ARMC1: variants seen among roughly 807,000 people sequenced by gnomAD.
The protein encoded by ARMC1 is armadillo repeat-containing protein 1.
In ARMC1, 16 loss-of-function variants were observed where a neutral mutation model predicts 31.4. That is an observed-to-expected ratio of 0.51 (90% CI 0.34 to 0.77). The LOEUF (loss-of-function observed/expected upper bound fraction) is 0.77. ARMC1 is among the 30% of genes least tolerant of loss of function. The pLI is 0.01. For missense variants in ARMC1, 259 were observed against 347.5 expected (o/e 0.75, Z 2.02); for synonymous variants, 114 against 118.9 (o/e 0.96, Z 0.27).
In ARMC1 at chr8:65,613,426, T is replaced by C; in HGVS notation, c.283A>G (p.Thr95Ala). ...SLQNVIQKTT[T>A]PGETKLLASE... ...GCCAGAAGTTTTGTTTCTCCTGGAGTTGTAGTTCTTGAAAAGAAACACATA... is the reference window on the plus strand; with the variant it reads ...GCCAGAAGTTTTGTTTCTCCTGGAGCTGTAGTTCTTGAAAAGAAACACATA... Residue 95 changes from threonine (T) to alanine (A), a missense_variant, in exon 4 of 7, where the codon ACT becomes GCT. Thr to Ala is a moderately conservative substitution (Grantham distance 58). This residue lies in a region of ARMC1 where 163 missense variants were observed against 186.7 expected (regional missense o/e 0.87). Coordinates refer to ENST00000276569, the MANE Select transcript of ARMC1 (RefSeq NM_018120.6). The C allele has an allele frequency of 6.3e-7, 1 of 1,575,942 alleles. No individual in the cohort carries two copies. Among genetic ancestry groups the C allele is most frequent in the Non-Finnish European group, 8.6e-7 (1 of 1,165,600 alleles).
Position 65,627,241 on chromosome 8 carries a change from G to T in ARMC1, c.158C>A (p.Pro53His). ...GLILFMDHPN[P>H]PVVHSALLAL... is the part of the protein sequence containing the mutation. ...AAGCAAAGCGGAGTGGACGACTGGAGGGTTGGGATGGTCCATAAATAAAAT... is the reference window on the plus strand; with the variant it reads ...AAGCAAAGCGGAGTGGACGACTGGATGGTTGGGATGGTCCATAAATAAAAT... The change falls in exon 2 of 7, where the codon CCT (proline) becomes CAT (histidine). Residue 53 changes from proline (P) to histidine (H), a missense_variant. By Grantham distance (77) the Pro-to-His change is moderately conservative. Coordinates refer to ENST00000276569, the MANE Select transcript of ARMC1 (RefSeq NM_018120.6). 1 of 1,597,922 alleles carries T rather than the reference G, an allele frequency of 6.3e-7. No homozygotes were observed. Among genetic ancestry groups the T allele is most frequent in the Non-Finnish European group, 8.5e-7 (1 of 1,170,810 alleles).
At chr8:65,631,497 G>C (rs562626591) in intron 1 of ARMC1, among the ~76,000 whole-genome samples, 1 of 152,314 alleles carries the variant, frequency 6.6e-6, no homozygotes, top group Non-Finnish European at 1.5e-5. Flanking sequence ...GCCTCCCAAA[G>C]TGCTGGGATT....
chr8:65,620,707 T>C (rs551798170), intron 3 of ARMC1, among the ~76,000 whole-genome samples: 15 of 151,862 alleles, frequency 9.9e-5, no homozygotes, highest in Non-Finnish European at 1.8e-4. Flanking sequence ...AGCGCTCCTC[T>C]TCCTGGTTAA....
intron 3 of ARMC1, among the ~76,000 whole-genome samples, chr8:65,620,002 G>A (rs1184651652): frequency 6.6e-6 from 1 of 151,206 alleles, no homozygotes; most frequent in African/African-American, 2.4e-5. Flanking sequence ...AAAATTAGCA[G>A]GACATGATGG....
At chr8:65,630,621 C>T (rs776912120) in intron 1 of ARMC1, among the ~76,000 whole-genome samples, 1 of 152,166 alleles carries the variant, frequency 6.6e-6, no homozygotes, top group Non-Finnish European at 1.5e-5. Flanking sequence ...GAGTTTGCGA[C>T]CAGCCTGGCC....
chr8:65,623,324 A>AAAAAAAAAAAAAAAAAAC (rs1554541796), intron 2 of ARMC1, among the ~76,000 whole-genome samples: 1 of 144,440 alleles, frequency 6.9e-6, no homozygotes, highest in Non-Finnish European at 1.5e-5. Flanking sequence ...AAAAAAAAAA[A>AAAAAAAAAAAAAAAAAAC]TGCTGGGCGC....
Position 65,605,322 on chromosome 8 carries a change from T to C in ARMC1, c.598A>G (p.Ile200Val), listed in dbSNP as rs1807979890. 1.2e-6 allele frequency: 2 copies of C among 1,613,878 alleles called. No homozygotes were observed. Among genetic ancestry groups the C allele is most frequent in the Admixed American group, 1.7e-5 (1 of 59,966 alleles). Residue 200 changes from isoleucine (I) to valine (V), a missense_variant, in exon 6 of 7, where the codon ATA becomes GTA. Ile to Val is a conservative substitution (Grantham distance 29). This residue lies in a region of ARMC1 where 73 missense variants were observed against 100.0 expected (regional missense o/e 0.73). Transcript: ENST00000276569. ...GCTTTCATAACCTTGGTTGATGCTA[T>C]TGCTGATGCCAAAGCCTAAGCCAAG... Reference protein sequence around the residue: ...DLKAEALASAIASTKVMKAQQ... With the variant: ...DLKAEALASAVASTKVMKAQQ...
Position 65,622,338 on chromosome 8 carries a change from G to A in ARMC1, c.200C>T (p.Ala67Val). 6.2e-7 allele frequency: 1 copy of A among 1,613,888 alleles called. No individual in the cohort carries two copies. The highest frequency in any genetic ancestry group is 8.5e-7 in the Non-Finnish European group (1 of 1,179,858). Residue 67 changes from alanine (A) to valine (V), a missense_variant, in exon 3 of 7, where the codon GCA becomes GTA. This residue lies in a region of ARMC1 where 163 missense variants were observed against 186.7 expected (regional missense o/e 0.87). Coordinates refer to ENST00000276569, the MANE Select transcript of ARMC1 (RefSeq NM_018120.6). Reference sequence around the variant, plus strand: ...CTTTTCTCTGTTTGCACGGCATTCTGCCAAGTATCGAAGAGCCTACAGCAG... The same window carrying A: ...CTTTTCTCTGTTTGCACGGCATTCTACCAAGTATCGAAGAGCCTACAGCAG... ...HSALLALRYLAECRANREKMK... is the reference protein window; with the variant it reads ...HSALLALRYLVECRANREKMK...
chr8:65,625,125 AAAC>A (rs907314530), intron 2 of ARMC1, among the ~76,000 whole-genome samples: 6 of 152,180 alleles, frequency 3.9e-5, no homozygotes, highest in African/African-American at 7.2e-5. Context: ...TCTGTCTCAA[AAAC>A]AACAACAAAA....
intron 4 of ARMC1, among the ~76,000 whole-genome samples, chr8:65,609,225 C>A (rs76043228): frequency 0.028 from 4,169 of 151,322 alleles, 132 homozygotes; most frequent in African/African-American, 0.078. Flanking sequence ...GCCTTAGCCT[C>A]CCATATAGCT....
chr8:65,628,620 G>A (rs944379116), intron 1 of ARMC1, among the ~76,000 whole-genome samples: 3 of 150,804 alleles, frequency 2.0e-5, no homozygotes, highest in African/African-American at 7.3e-5. Flanking sequence ...CACTTTGGGA[G>A]GCCGAGGCAG....
chr8:65,617,019 C>T (rs1273013259), intron 3 of ARMC1, among the ~76,000 whole-genome samples: 28 of 151,216 alleles, frequency 1.9e-4, no homozygotes, highest in Admixed American at 5.3e-4. Flanking sequence ...AGCCCCCGCC[C>T]GGCCAGCCAC....
At chr8:65,617,423 A>G (rs575225414) in intron 3 of ARMC1, among the ~76,000 whole-genome samples, 1 of 152,266 alleles carries the variant, frequency 6.6e-6, no homozygotes, top group South Asian at 2.1e-4. Context: ...TGAAGGCAGC[A>G]TGCTCCTTAA....
intron 4 of ARMC1, among the ~76,000 whole-genome samples, chr8:65,612,389 G>A (rs147128193): frequency 2.0e-5 from 3 of 151,912 alleles, no homozygotes; most frequent in East Asian, 3.9e-4. Context: ...CCAGGAGTTC[G>A]AGCCTGCAGT....
At chr8:65,625,919 A>G (rs6472214) in intron 2 of ARMC1, among the ~76,000 whole-genome samples, 94,812 of 147,900 alleles carry the variant, frequency 0.64, 30,384 homozygotes, top group African/African-American at 0.7. Context: ...ACGGAGTTTC[A>G]CTCTTGTTGC....
intron 4 of ARMC1, among the ~76,000 whole-genome samples, chr8:65,610,124 A>G (rs1172922681): frequency 3.3e-5 from 5 of 151,880 alleles, no homozygotes; most frequent in Non-Finnish European, 7.4e-5. Context: ...GTGTGACGGG[A>G]TCTCGCCCTG....
intron 4 of ARMC1, among the ~76,000 whole-genome samples, chr8:65,611,169 A>G (rs1421653312): frequency 4.6e-5 from 7 of 152,038 alleles, no homozygotes; most frequent in Admixed American, 6.6e-5. Context: ...CCTGACCTCA[A>G]GTGATCCACC....
At chr8:65,628,801 G>A (rs2129044314) in intron 1 of ARMC1, among the ~76,000 whole-genome samples, 1 of 151,340 alleles carries the variant, frequency 6.6e-6, no homozygotes, top group Non-Finnish European at 1.5e-5. Context: ...AGATTGCAGT[G>A]AGCTGAGATT....
At chr8:65,627,490 G>T in intron 1 of ARMC1, 57 bp from the exon 2 acceptor site, 1 of 979,624 alleles carries the variant, frequency 1.0e-6, no homozygotes, top group Non-Finnish European at 1.4e-6. Context: ...TATAGCACTT[G>T]TGAAATAACC....
Sources: allele counts gnomAD v4.1 joint callset (sites outside exome capture counted in the v4.1 genomes callset), GRCh38; gene constraint gnomAD v4.1.1; regional missense constraint gnomAD v4.1.1; transcripts MANE v1.5; gene names NCBI Gene and HGNC (gene_info 2026-07-23, HGNC 2026-07-21).